The following SLC35F2 variants were observed in gnomAD, a reference collection of about 807,000 sequenced individuals.
SLC35F2 encodes queuine/queuosine transporter SLC35F2.
SLC35F2 carries 25 observed loss-of-function variants against 38.1 expected under a neutral mutation model. The observed-to-expected ratio is 0.66, with a 90% confidence interval of 0.48 to 0.92. The LOEUF is 0.92. Ranked by LOEUF, SLC35F2 falls within the 40% of genes least tolerant of loss-of-function variation. The pLI is 0.00. For synonymous variants in SLC35F2, 173 were observed against 181.7 expected (o/e 0.95, Z 0.38); for missense variants, 409 against 452.9 (o/e 0.90, Z 0.88).
intron 1 of SLC35F2, among the ~76,000 whole-genome samples, chr11:107,825,227 A>G (rs936531257): frequency 1.3e-5 from 2 of 152,164 alleles, no homozygotes; most frequent in African/African-American, 4.8e-5. Context: ...GCTGGGGGTT[A>G]TAGTATTGAA....
rs191910938 is a variant in SLC35F2 at position 107,812,779 on chromosome 11, G to T, written c.287-985C>A. ...ATGTCGCCACTTCTGACAAGCCACG[G>T]ACTATCCTAGGAAATGAAATGTTTT... On this transcript the variant is annotated intron_variant, in intron 2 of 7. Transcript: ENST00000525815. Among the ~76,000 whole-genome samples, 5 of 152,182 alleles carry T rather than the reference G, an allele frequency of 3.3e-5. No individual in the cohort carries two copies. The East Asian group carries it at 9.7e-4, about 29-fold the overall frequency.
chr11:107,856,265 T>G (rs1472669437), intron 1 of SLC35F2, among the ~76,000 whole-genome samples: 1 of 152,114 alleles, frequency 6.6e-6, no homozygotes, highest in Admixed American at 6.6e-5. Context: ...CACCCAAGAA[T>G]AGAGAGCTAA....
chr11:107,802,056 T>C (rs1020997886), intron 7 of SLC35F2, among the ~76,000 whole-genome samples: 1 of 151,936 alleles, frequency 6.6e-6, no homozygotes, highest in Non-Finnish European at 1.5e-5. Flanking sequence ...CTGGCCAACA[T>C]GGTGAAACCC....
At position 107,827,973 on chromosome 11, in the gene SLC35F2, C is replaced by T. The variant is rs75052931; in HGVS notation, c.111-12008G>A. Among the ~76,000 whole-genome samples the T allele has an allele frequency of 7.5e-3, 1,138 of 152,208 alleles. 19 individuals carry two copies. The highest frequency in any genetic ancestry group is 0.026 in the African/African-American group (1,089 of 41,544). ...AAAAGAACTAGAGCTTTTTGGAGAA[C>T]GGCTGATTTCAGACCTGGGGCAGGA... is the stretch of plus-strand genomic sequence containing the variant. On this transcript the variant is annotated intron_variant, in intron 1 of 7. Coordinates refer to ENST00000525815, the MANE Select transcript of SLC35F2 (RefSeq NM_017515.5).
chr11:107,821,604 C>T, intron 1 of SLC35F2: 1 of 985,416 alleles, frequency 1.0e-6, no homozygotes, highest in Non-Finnish European at 1.2e-6. Context: ...GGTCCTGGTT[C>T]ATGTGAATTC....
intron 1 of SLC35F2, among the ~76,000 whole-genome samples, chr11:107,820,811 C>G (rs1275439428): frequency 6.6e-6 from 1 of 152,080 alleles, no homozygotes; most frequent in East Asian, 1.9e-4. Context: ...CAAAAATTAG[C>G]TGGGCATAGT....
At chr11:107,804,993 T>A (rs1859370592) in intron 5 of SLC35F2, 3 of 961,432 alleles carry the variant, frequency 3.1e-6, no homozygotes, top group African/African-American at 3.5e-5. Flanking sequence ...GAAATAATAG[T>A]CAAGTATAGG....
At chr11:107,806,311 T>C (rs941602713) in intron 4 of SLC35F2, among the ~76,000 whole-genome samples, 3 of 152,246 alleles carry the variant, frequency 2.0e-5, no homozygotes, top group African/African-American at 7.2e-5. Flanking sequence ...ATTTTCCCTC[T>C]CAATCCAAAG....
chr11:107,813,932 T>G (rs1397486045), intron 2 of SLC35F2, among the ~76,000 whole-genome samples: 1 of 152,184 alleles, frequency 6.6e-6, no homozygotes, highest in East Asian at 1.9e-4. Context: ...CCCTAAGTGC[T>G]GGGGTTACAG....
chr11:107,853,229 C>A (rs1310013553), intron 1 of SLC35F2, among the ~76,000 whole-genome samples: 3 of 152,174 alleles, frequency 2.0e-5, no homozygotes, highest in Admixed American at 6.6e-5. Flanking sequence ...CCCTATCTCA[C>A]CCTGGTAGAC....
At chr11:107,846,803 G>A (rs74968455) in intron 1 of SLC35F2, among the ~76,000 whole-genome samples, 11 of 151,856 alleles carry the variant, frequency 7.2e-5, no homozygotes, top group African/African-American at 1.9e-4. Context: ...GGTGGCGGGC[G>A]CCTGTAATCC....
At chr11:107,845,629 T>C (rs539077477) in intron 1 of SLC35F2, among the ~76,000 whole-genome samples, 8 of 152,020 alleles carry the variant, frequency 5.3e-5, no homozygotes, top group Admixed American at 1.3e-4. Context: ...CAAGTTTTTG[T>C]GACACATCAC....
intron 3 of SLC35F2, chr11:107,809,722 A>C (rs1319267050): frequency 1.0e-6 from 1 of 980,718 alleles, no homozygotes; most frequent in Non-Finnish European, 1.2e-6. Context: ...TTGTATAGTC[A>C]CAGTAAGCAG....
intron 1 of SLC35F2, among the ~76,000 whole-genome samples, chr11:107,835,965 C>T (rs1158192526): frequency 6.6e-6 from 1 of 152,120 alleles, no homozygotes; most frequent in Non-Finnish European, 1.5e-5. Context: ...AGAATAAAGA[C>T]AAGTTGTCTG....
chr11:107,814,937 G>A (rs762207742), intron 2 of SLC35F2, among the ~76,000 whole-genome samples: 4 of 152,134 alleles, frequency 2.6e-5, no homozygotes, highest in Non-Finnish European at 5.9e-5. Flanking sequence ...AATTAGCCAG[G>A]TGTGGTGGTG....
intron 7 of SLC35F2, 121 bp from the exon 8 acceptor site, chr11:107,792,921 CTTTCTTTCTTTT>C: frequency 7.4e-7 from 1 of 1,351,190 alleles, no homozygotes; most frequent in Middle Eastern, 2.0e-4. Context: ...TTCTTTCTTT[CTTTCTTTCTTTT>C]TAAGACAGGG....
intron 1 of SLC35F2, among the ~76,000 whole-genome samples, chr11:107,818,439 T>C (rs1311353013): frequency 6.6e-6 from 1 of 152,184 alleles, no homozygotes; most frequent in Admixed American, 6.5e-5. Flanking sequence ...CATCGAGGTA[T>C]CCCACCTGTG....
chr11:107,851,360 G>A (rs1431719907), intron 1 of SLC35F2, among the ~76,000 whole-genome samples: 1 of 151,484 alleles, frequency 6.6e-6, no homozygotes, highest in Non-Finnish European at 1.5e-5. Context: ...CTACTTGGGA[G>A]GCTGAGGCTA....
Position 107,792,571 on chromosome 11 carries a change from C to T in SLC35F2, c.*44G>A. 3 of 1,549,438 alleles carry T rather than the reference C, an allele frequency of 1.9e-6. No homozygotes were observed. The highest frequency in any genetic ancestry group is 2.6e-6 in the Non-Finnish European group (3 of 1,148,400). On this transcript the variant is annotated 3_prime_UTR_variant, in exon 8 of 8. Transcript: ENST00000525815. ...AAGTGTCCCCTCAGCAGGCAGCAGGCTCTGCTTTATCCTGGTGGGGGATGG... is the reference window on the plus strand; with the variant it reads ...AAGTGTCCCCTCAGCAGGCAGCAGGTTCTGCTTTATCCTGGTGGGGGATGG...
Sources: allele counts gnomAD v4.1 joint callset (sites outside exome capture counted in the v4.1 genomes callset), GRCh38; gene constraint gnomAD v4.1.1; transcripts MANE v1.5; gene names NCBI Gene and HGNC (gene_info 2026-07-23, HGNC 2026-07-21).